The following NKAIN3 variants were observed in gnomAD, a reference collection of about 807,000 sequenced individuals.
NKAIN3 encodes sodium/potassium-transporting ATPase subunit beta-1-interacting protein 3.
Under a neutral mutation model 30.2 loss-of-function variants are expected in NKAIN3, and 25 were observed. The observed-to-expected ratio is 0.83, with a 90% CI of 0.60 to 1.16. The LOEUF (loss-of-function observed/expected upper bound fraction) is 1.16, where lower values mean the gene tolerates loss of function less well. Ranked by LOEUF, NKAIN3 falls within the 50% of genes most tolerant of loss-of-function variation. The probability of loss-of-function intolerance (pLI) is 0.00; values close to 1 mark genes in which losing one functional copy is unlikely to be tolerated. For missense variants in NKAIN3, 225 were observed against 254.1 expected, an observed-to-expected ratio of 0.89 and a Z score of 0.78; for synonymous variants, 91 against 89.6, an observed-to-expected ratio of 1.02 and a Z score of -0.09.
chr8:62,319,428 T>G, intron 1 of NKAIN3, among the ~76,000 whole-genome samples: 1 of 152,206 alleles, frequency 6.6e-6, no homozygotes, highest in East Asian at 1.9e-4. Context: ...GATGTTAGGG[T>G]CTCAATTTTA....
intron 5 of NKAIN3, among the ~76,000 whole-genome samples, chr8:62,952,069 G>A (rs1823297126): frequency 2.6e-5 from 4 of 152,084 alleles, no homozygotes. Flanking sequence ...CAAATTGCTA[G>A]CAATATAGGC....
At chr8:62,809,133 G>T (rs1297853155) in intron 4 of NKAIN3, among the ~76,000 whole-genome samples, 2 of 152,184 alleles carry the variant, frequency 1.3e-5, no homozygotes, top group East Asian at 3.9e-4. Flanking sequence ...CAGGTAGTCA[G>T]ACCTAATGGT....
At chr8:62,926,817 C>G (rs1388886785) in intron 5 of NKAIN3, among the ~76,000 whole-genome samples, 1 of 152,174 alleles carries the variant, frequency 6.6e-6, no homozygotes, top group Admixed American at 6.5e-5. Context: ...CTGTGATCAT[C>G]ATCTTCCTGA....
At chr8:62,816,770 G>A (rs192695081) in intron 4 of NKAIN3, among the ~76,000 whole-genome samples, 2 of 152,260 alleles carry the variant, frequency 1.3e-5, no homozygotes, top group Admixed American at 6.5e-5. Context: ...GGACTAATGA[G>A]CCCCACGGCA....
intron 3 of NKAIN3, among the ~76,000 whole-genome samples, chr8:62,682,095 C>A (rs1440953716): frequency 1.3e-5 from 2 of 152,080 alleles, no homozygotes; most frequent in Non-Finnish European, 2.9e-5. Flanking sequence ...CAAGAGAATC[C>A]ACCAACCCTT....
At chr8:62,603,524 G>A (rs1345212464) in intron 3 of NKAIN3, among the ~76,000 whole-genome samples, 1 of 152,068 alleles carries the variant, frequency 6.6e-6, no homozygotes, top group South Asian at 2.1e-4. Context: ...ATTTTTCCAT[G>A]TAGACAGTTG....
intron 4 of NKAIN3, among the ~76,000 whole-genome samples, chr8:62,871,137 C>T (rs1036686431): frequency 1.3e-5 from 2 of 152,020 alleles, no homozygotes; most frequent in Admixed American, 1.3e-4. Flanking sequence ...GCAGTGGCTC[C>T]GAACTGTAAT....
At chr8:62,528,203 TAGGAACAATAGGCACTGGGG>T (rs1808368423) in intron 1 of NKAIN3, among the ~76,000 whole-genome samples, 1 of 148,158 alleles carries the variant, frequency 6.7e-6, no homozygotes, top group African/African-American at 2.5e-5. Flanking sequence ...GACGTAAAGA[TAGGAACAATAGGCACTGGGG>T]AGTACAAGAA....
At chr8:62,296,165 G>A (rs1195777129) in intron 1 of NKAIN3, among the ~76,000 whole-genome samples, 1 of 152,108 alleles carries the variant, frequency 6.6e-6, no homozygotes, top group African/African-American at 2.4e-5. Context: ...GGAGACACAA[G>A]GATACAACAG....
chr8:62,252,646 T>C (rs1812145648), intron 1 of NKAIN3, among the ~76,000 whole-genome samples: 1 of 152,230 alleles, frequency 6.6e-6, no homozygotes, highest in Admixed American at 6.5e-5. Flanking sequence ...GTGAAAAGTA[T>C]GAATACAGGC....
chr8:62,861,681 A>G (rs576617105), intron 4 of NKAIN3, among the ~76,000 whole-genome samples: 6 of 152,328 alleles, frequency 3.9e-5, no homozygotes, highest in African/African-American at 1.4e-4. Context: ...TGCCAGGTAC[A>G]TGTATTCATG....
intron 3 of NKAIN3, among the ~76,000 whole-genome samples, chr8:62,590,881 C>G (rs557471272): frequency 6.6e-6 from 1 of 151,898 alleles, no homozygotes; most frequent in South Asian, 2.1e-4. Context: ...TATTCAGGAA[C>G]CAGAAGCAAC....
chr8:62,867,952 G>A (rs1820478185), intron 4 of NKAIN3, among the ~76,000 whole-genome samples: 1 of 152,174 alleles, frequency 6.6e-6, no homozygotes, highest in Admixed American at 6.5e-5. Context: ...AGTACATGCA[G>A]CTGTGTAAGA....
intron 5 of NKAIN3, among the ~76,000 whole-genome samples, chr8:62,920,572 G>T (rs576802153): frequency 6.6e-6 from 1 of 152,236 alleles, no homozygotes; most frequent in South Asian, 2.1e-4. Context: ...GCCAGATATC[G>T]TCGTTCCATT....
At chr8:62,573,541 T>A (rs1050551858) in intron 1 of NKAIN3, among the ~76,000 whole-genome samples, 1 of 152,100 alleles carries the variant, frequency 6.6e-6, no homozygotes, top group African/African-American at 2.4e-5. Flanking sequence ...TGCCTTCTTT[T>A]CTTCCTTTTT....
chr8:62,413,172 G>A (rs1183108337), intron 1 of NKAIN3, among the ~76,000 whole-genome samples: 2 of 152,090 alleles, frequency 1.3e-5, no homozygotes, highest in African/African-American at 4.8e-5. Context: ...TAGATAAAAG[G>A]GAGCACTTAT....
In NKAIN3 at chr8:62,734,234, G is replaced by A. The variant is rs967011795; in HGVS notation, c.274-12698G>A. ...GGAGGTGAAGGTTGCAGTGAACCGAGACTGAGCCTCTGCACTCCAGCCTGG... is the reference window on the plus strand; with the variant it reads ...GGAGGTGAAGGTTGCAGTGAACCGAAACTGAGCCTCTGCACTCCAGCCTGG... On this transcript the variant is annotated intron_variant, in intron 3 of 6. Coordinates refer to ENST00000623646, the MANE Select transcript of NKAIN3 (RefSeq NM_001304533.3). Among the ~76,000 whole-genome samples, 5 of 152,310 alleles carry A rather than the reference G, an allele frequency of 3.3e-5. No homozygotes were observed. The East Asian group carries it at 9.6e-4, about 29-fold the overall frequency.
rs1813785687 is a variant in NKAIN3 at position 62,295,156 on chromosome 8, AC to A, written c.54+46031del. Among the ~76,000 whole-genome samples, 3 of 152,094 alleles carry A rather than the reference AC, an allele frequency of 2.0e-5. No homozygotes were observed. In the South Asian group the frequency reaches 6.2e-4, roughly 32 times the overall value. ...TCTTTCTTTGGATTTGTTTTGGTGT[AC>A]CTCATCTCATTACCAATGTGTCAGC... On this transcript the variant is annotated intron_variant, in intron 1 of 6. Transcript: ENST00000623646.
intron 3 of NKAIN3, among the ~76,000 whole-genome samples, chr8:62,735,523 C>T (rs1361820932): frequency 1.3e-5 from 2 of 151,666 alleles, no homozygotes; most frequent in Admixed American, 6.6e-5. Context: ...TTATTTATTT[C>T]TCTGGAGATT....
Sources: allele counts gnomAD v4.1 joint callset (sites outside exome capture counted in the v4.1 genomes callset), GRCh38; gene constraint gnomAD v4.1.1; transcripts MANE v1.5; gene names NCBI Gene and HGNC (gene_info 2026-07-23, HGNC 2026-07-21).